Variants in EFCAB11 observed in about 807,000 individuals in gnomAD.
The protein encoded by EFCAB11 is EF-hand calcium-binding domain-containing protein 11.
Under a neutral mutation model 23.0 loss-of-function variants are expected in EFCAB11, and 14 were observed. That is an observed-to-expected ratio of 0.61 (90% CI 0.40 to 0.95). The LOEUF (loss-of-function observed/expected upper bound fraction) is 0.95, where lower values mean the gene tolerates loss of function less well. Ranked by LOEUF, EFCAB11 falls within the 40% of genes least tolerant of loss-of-function variation. The pLI, the probability that EFCAB11 is intolerant of heterozygous loss-of-function variation, is 0.00. For synonymous variants in EFCAB11, 65 were observed against 66.6 expected (o/e 0.98, Z 0.11); for missense variants, 198 against 195.8 (o/e 1.01, Z -0.07).
chr14:89,814,667 G>T (rs939040841), intron 5 of EFCAB11, among the ~76,000 whole-genome samples: 28 of 151,208 alleles, frequency 1.9e-4, no homozygotes, highest in Non-Finnish European at 2.8e-4. Context: ...TCACGCCATT[G>T]CACTCCAGCC....
At chr14:89,901,483 C>T (rs1319378130) in intron 5 of EFCAB11, among the ~76,000 whole-genome samples, 6 of 152,162 alleles carry the variant, frequency 3.9e-5, no homozygotes, top group African/African-American at 1.2e-4. Context: ...TGGACTCATC[C>T]GTTTCTTGGG....
At chr14:89,950,723 A>C (rs1891138071) in intron 2 of EFCAB11, among the ~76,000 whole-genome samples, 3 of 152,170 alleles carry the variant, frequency 2.0e-5, no homozygotes, top group Admixed American at 6.5e-5. Flanking sequence ...TTAAAATATA[A>C]GCCCTTTACC....
chr14:89,887,869 G>T (rs1326321804), intron 5 of EFCAB11, among the ~76,000 whole-genome samples: 1 of 152,128 alleles, frequency 6.6e-6, no homozygotes, highest in Non-Finnish European at 1.5e-5. Context: ...TTTTCTTGAA[G>T]CTATAATATA....
intron 5 of EFCAB11, among the ~76,000 whole-genome samples, chr14:89,818,365 T>C (rs566695537): frequency 3.3e-5 from 5 of 151,908 alleles, no homozygotes; most frequent in South Asian, 2.1e-4. Context: ...GATTCAGTGA[T>C]AGTGTTTCAA....
At chr14:89,950,064 G>T in intron 3 of EFCAB11, 33 bp downstream of exon 3, 1 of 1,508,124 alleles carries the variant, frequency 6.6e-7, no homozygotes, top group East Asian at 2.5e-5. Context: ...GTCTAAATAA[G>T]GTACTAAAAA....
chr14:89,940,980 G>C (rs1890771911), intron 3 of EFCAB11, among the ~76,000 whole-genome samples: 1 of 152,152 alleles, frequency 6.6e-6, no homozygotes. Flanking sequence ...GGAACACACA[G>C]CCTTTGCCCT....
Position 89,931,163 on chromosome 14 carries a change from T to C in EFCAB11, c.410+378A>G, listed in dbSNP as rs535991817. 127 of 172,652 alleles carry C rather than the reference T, an allele frequency of 7.4e-4. 2 individuals carry two copies. In the South Asian group the frequency reaches 0.022, roughly 30 times the overall value. 10.7% of individuals were successfully genotyped at this position (172,652 alleles called of 1,614,324 possible). A position where few individuals can be genotyped will look rare whatever the true frequency, so the allele number is the denominator to read the frequency against. ...CAACTCAAGAACCACATGTAACCTG[T>C]GTTTGTCTGAAATACAGACCATGTG... is the stretch of plus-strand genomic sequence containing the variant. On this transcript the variant is annotated intron_variant, in intron 5 of 5. Coordinates refer to ENST00000316738, the MANE Select transcript of EFCAB11 (RefSeq NM_145231.4).
intron 5 of EFCAB11, among the ~76,000 whole-genome samples, chr14:89,839,958 C>A (rs1413036823): frequency 6.6e-6 from 1 of 152,194 alleles, no homozygotes; most frequent in Admixed American, 6.5e-5. Flanking sequence ...GGGATTACAA[C>A]TGGATATGAG....
At chr14:89,818,752 T>C (rs546854005) in intron 5 of EFCAB11, among the ~76,000 whole-genome samples, 1 of 152,274 alleles carries the variant, frequency 6.6e-6, no homozygotes, top group East Asian at 1.9e-4. Flanking sequence ...GAAGATATGA[T>C]GGAAAATACG....
At chr14:89,866,502 C>G (rs1888096589) in intron 5 of EFCAB11, among the ~76,000 whole-genome samples, 1 of 152,230 alleles carries the variant, frequency 6.6e-6, no homozygotes, top group Non-Finnish European at 1.5e-5. Flanking sequence ...TGCAGGTTCT[C>G]CCTCTTCAAG....
intron 5 of EFCAB11, among the ~76,000 whole-genome samples, chr14:89,872,191 C>T (rs865961586): frequency 6.6e-6 from 1 of 152,214 alleles, no homozygotes; most frequent in Non-Finnish European, 1.5e-5. Context: ...TATAATAATT[C>T]AACAGTTTCT....
chr14:89,906,664 A>ATTTTG (rs1274747621), intron 5 of EFCAB11, among the ~76,000 whole-genome samples: 2 of 152,132 alleles, frequency 1.3e-5, no homozygotes, highest in Non-Finnish European at 2.9e-5. Flanking sequence ...GAGATGAAAG[A>ATTTTG]TTTTGTTTTG....
At chr14:89,912,446 G>T (rs891561534) in intron 5 of EFCAB11, among the ~76,000 whole-genome samples, 1 of 152,012 alleles carries the variant, frequency 6.6e-6, no homozygotes, top group Non-Finnish European at 1.5e-5. Context: ...AAACACTGGG[G>T]GACCCTCAGG....
At chr14:89,900,638 A>G (rs914231365) in intron 5 of EFCAB11, among the ~76,000 whole-genome samples, 5 of 152,208 alleles carry the variant, frequency 3.3e-5, no homozygotes, top group Admixed American at 3.3e-4. Context: ...GGAGATAGAT[A>G]CTAAATGTGG....
At chr14:89,800,975 G>A (rs542454043) in intron 5 of EFCAB11, among the ~76,000 whole-genome samples, 8 of 151,410 alleles carry the variant, frequency 5.3e-5, no homozygotes, top group Non-Finnish European at 7.4e-5. Flanking sequence ...CCTGGGAGAC[G>A]GAGGCTGCAG....
At chr14:89,863,112 A>G (rs563104903) in intron 5 of EFCAB11, among the ~76,000 whole-genome samples, 1 of 152,340 alleles carries the variant, frequency 6.6e-6, no homozygotes, top group South Asian at 2.1e-4. Flanking sequence ...TTAGTAGAAA[A>G]AAAAAATGAA....
At chr14:89,899,164 G>A (rs1298647023) in intron 5 of EFCAB11, among the ~76,000 whole-genome samples, 2 of 152,122 alleles carry the variant, frequency 1.3e-5, no homozygotes, top group Non-Finnish European at 2.9e-5. Context: ...TTTTTGGTAG[G>A]TCACACTTGT....
rs777765241 is a variant in EFCAB11, at chr14:89,950,174, A to C, written c.172-32T>G. ...AAGAGGAAAAAATAATAGAACATGTAATTTTATCACGTTTTCACAGTGCAA... is the reference window on the plus strand; with the variant it reads ...AAGAGGAAAAAATAATAGAACATGTCATTTTATCACGTTTTCACAGTGCAA... On this transcript the variant is annotated intron_variant, in intron 2 of 5. Transcript: ENST00000316738. 6.5e-6 allele frequency: 10 copies of C among 1,537,606 alleles called. No homozygotes were observed. In the East Asian group the frequency reaches 2.1e-4, roughly 33 times the overall value.
intron 5 of EFCAB11, among the ~76,000 whole-genome samples, chr14:89,916,936 ATGAC>A (rs1353511543): frequency 1.3e-5 from 2 of 152,174 alleles, no homozygotes; most frequent in Admixed American, 6.5e-5. Flanking sequence ...TTTTTGAGGT[ATGAC>A]TGACAAAAAA....
Sources: allele counts gnomAD v4.1 joint callset (sites outside exome capture counted in the v4.1 genomes callset), GRCh38; gene constraint gnomAD v4.1.1; transcripts MANE v1.5; gene names NCBI Gene and HGNC (gene_info 2026-07-23, HGNC 2026-07-21).